Variants in IKBKB observed in about 807,000 individuals in gnomAD.
IKBKB encodes inhibitor of nuclear factor kappa B kinase subunit beta.
A neutral mutation model predicts 113.6 loss-of-function variants in IKBKB; 42 were observed. The ratio of observed to expected loss-of-function variants is 0.37; its 90% CI spans 0.29 to 0.48. The LOEUF is 0.48. Among genes scored for constraint, IKBKB ranks in the 20% least tolerant of loss-of-function variants. The pLI, the probability that IKBKB is intolerant of heterozygous loss-of-function variation, is 0.99. For synonymous variants in IKBKB, 296 were observed against 361.3 expected (o/e 0.82, Z 2.05); for missense variants, 673 against 939.7 (o/e 0.72, Z 3.71).
chr8:42,311,568 AAAAAAAAAAAG>A (rs1322911681), intron 8 of IKBKB, among the ~76,000 whole-genome samples: 29 of 150,674 alleles, frequency 1.9e-4, no homozygotes, highest in African/African-American at 7.4e-5. Context: ...CTTACCAAAA[AAAAAAAAAAAG>A]AAAAAAGAAA....
intron 8 of IKBKB, among the ~76,000 whole-genome samples, chr8:42,312,987 G>A (rs1258479762): frequency 6.6e-6 from 1 of 152,194 alleles, no homozygotes; most frequent in Non-Finnish European, 1.5e-5. Flanking sequence ...CAAATCATTT[G>A]ATCATCATTT....
At chr8:42,272,985 C>T (rs188206811) in intron 2 of IKBKB, among the ~76,000 whole-genome samples, 12 of 151,140 alleles carry the variant, frequency 7.9e-5, no homozygotes, top group African/African-American at 2.9e-4. Flanking sequence ...TGGTGCGTAC[C>T]TGTAGTCCCA....
At chr8:42,280,344 G>T (rs2130143932) in intron 2 of IKBKB, among the ~76,000 whole-genome samples, 1 of 152,288 alleles carries the variant, frequency 6.6e-6, no homozygotes, top group African/African-American at 2.4e-5. Context: ...AAGACCTCCA[G>T]CCCAGGGGTC....
At position 42,331,301 on chromosome 8, in the gene IKBKB, T is replaced by C. The variant is rs1821660962; in HGVS notation, c.*322T>C. ...GCGCACATCGCTGGCCCCACAAACG[T>C]TCAGGGGTACAGCCATGGCAGCTCC... On this transcript the variant is annotated 3_prime_UTR_variant, in exon 22 of 22. Coordinates refer to ENST00000520810, the MANE Select transcript of IKBKB (RefSeq NM_001556.3). 2 of 702,426 alleles carry C rather than the reference T, an allele frequency of 2.8e-6. No homozygotes were observed. Among genetic ancestry groups the C allele is most frequent in the Non-Finnish European group, 5.2e-6 (2 of 385,090 alleles). 43.5% of individuals were successfully genotyped at this position (702,426 alleles called of 1,614,324 possible). A position where few individuals can be genotyped will look rare whatever the true frequency, so the allele number is the denominator to read the frequency against.
At chr8:42,321,766 A>G in intron 16 of IKBKB, 130 bp from the exon 17 acceptor site, 3 of 639,194 alleles carry the variant, frequency 4.7e-6, no homozygotes, top group Non-Finnish European at 8.2e-6. Flanking sequence ...CAAGGCAAGA[A>G]GATTGCTTGT....
At chr8:42,318,902 G>GA in intron 13 of IKBKB, 1 of 542,034 alleles carries the variant, frequency 1.8e-6, no homozygotes, top group Non-Finnish European at 3.2e-6. Flanking sequence ...GTGTGGAACT[G>GA]AAGCTGGGCT....
intron 5 of IKBKB, among the ~76,000 whole-genome samples, chr8:42,303,643 T>A (rs1815893540): frequency 6.6e-6 from 1 of 152,128 alleles, no homozygotes; most frequent in Non-Finnish European, 1.5e-5. Flanking sequence ...TAGCTGGGAT[T>A]ACAGGGGCAT....
Position 42,309,044 on chromosome 8 carries a change from C to A in IKBKB, c.692+19C>A. On this transcript the variant is annotated intron_variant, in intron 8 of 21. Coordinates refer to ENST00000520810, the MANE Select transcript of IKBKB (RefSeq NM_001556.3). ...TGCAGTGGTGAGTGGGCCCGGGGCACCTGGATGGAGGAGGGAGCCTGTCTG... is the reference window on the plus strand; with the variant it reads ...TGCAGTGGTGAGTGGGCCCGGGGCAACTGGATGGAGGAGGGAGCCTGTCTG... 6.2e-7 allele frequency: 1 copy of A among 1,610,290 alleles called. No homozygotes were observed. The highest frequency in any genetic ancestry group is 8.5e-7 in the Non-Finnish European group (1 of 1,178,042).
At chr8:42,290,317 G>A (rs1812345773) in intron 4 of IKBKB, 44 bp downstream of exon 4, 1 of 1,368,358 alleles carries the variant, frequency 7.3e-7, no homozygotes, top group Non-Finnish European at 1.0e-6. Flanking sequence ...GTCTGGGCAG[G>A]TGGGACACCA....
intron 5 of IKBKB, among the ~76,000 whole-genome samples, chr8:42,296,601 A>G (rs931471193): frequency 6.6e-6 from 1 of 152,048 alleles, no homozygotes; most frequent in Non-Finnish European, 1.5e-5. Flanking sequence ...GTGAGCCAAG[A>G]TCGCACCATT....
At chr8:42,272,495 GAT>G (rs1246142329) in intron 2 of IKBKB, 1 of 472,110 alleles carries the variant, frequency 2.1e-6, no homozygotes, top group East Asian at 3.2e-5. Flanking sequence ...AATATATACT[GAT>G]ATTATATGTT....
rs373835648 is a variant in IKBKB at position 42,330,987 on chromosome 8, G to A, written c.*8G>A. ...CTGGAGCAGGCCTCATGATGTGGGG[G>A]GACTCGACCCCCTGACATGGGGCAG... On this transcript the variant is annotated 3_prime_UTR_variant, in exon 22 of 22. Transcript: ENST00000520810. The A allele has an allele frequency of 6.2e-7, 1 of 1,613,626 alleles. No homozygotes were observed. The highest frequency in any genetic ancestry group is 1.3e-5 in the African/African-American group (1 of 74,980).
chr8:42,284,600 C>G (rs1329886065), intron 2 of IKBKB, among the ~76,000 whole-genome samples: 1 of 151,024 alleles, frequency 6.6e-6, no homozygotes, highest in Non-Finnish European at 1.5e-5. Flanking sequence ...AAAAAAAATA[C>G]CGAGGTGATA....
intron 5 of IKBKB, among the ~76,000 whole-genome samples, chr8:42,301,885 A>G (rs1476924951): frequency 6.6e-6 from 1 of 152,090 alleles, no homozygotes; most frequent in East Asian, 1.9e-4. Flanking sequence ...TTGCCCTGAG[A>G]TGTTAGCCTC....
intron 2 of IKBKB, among the ~76,000 whole-genome samples, chr8:42,282,097 G>T (rs1210242643): frequency 6.6e-6 from 1 of 152,166 alleles, no homozygotes; most frequent in Non-Finnish European, 1.5e-5. Flanking sequence ...AAACTCTGAG[G>T]ACCTTCATAA....
chr8:42,303,262 A>G (rs1361626687), intron 5 of IKBKB, among the ~76,000 whole-genome samples: 1 of 152,202 alleles, frequency 6.6e-6, no homozygotes. Flanking sequence ...TTTAAGTTTT[A>G]AACAAGAAAC....
chr8:42,320,906 T>C (rs969961535), intron 16 of IKBKB, 62 bp downstream of exon 16: 1 of 1,104,758 alleles, frequency 9.1e-7, no homozygotes, highest in Non-Finnish European at 1.3e-6. Context: ...GGAGCTTCGG[T>C]GTGTGTGTCA....
rs1050248147 is a variant in IKBKB at position 42,316,923 on chromosome 8, C to G, written c.1125+19C>G. The G allele has an allele frequency of 2.5e-6, 4 of 1,609,854 alleles. No homozygotes were observed. The African/African-American group carries it at 4.0e-5, about 16-fold the overall frequency. ...CGGCAAGGTGAGCCCTGGCTTCGTA[C>G]ACACCATCCTGTTTACCTTGGCTGT... is the stretch of plus-strand genomic sequence containing the variant. On this transcript the variant is annotated intron_variant, in intron 11 of 21. Transcript: ENST00000520810. The surrounding 1 kb of genome is among the most constrained non-coding windows in gnomAD (Gnocchi z 4.5).
chr8:42,293,021 C>A (rs1168219946), intron 4 of IKBKB, among the ~76,000 whole-genome samples: 2 of 152,212 alleles, frequency 1.3e-5, no homozygotes, highest in Non-Finnish European at 2.9e-5. Flanking sequence ...GTTACCATCA[C>A]CCACATGGCT....
Sources: gnomAD v4.1 joint callset for allele counts (sites outside exome capture counted in the v4.1 genomes callset) on GRCh38, gnomAD v4.1.1 for gene constraint, Gnocchi (gnomAD v3.1) non-coding constraint, MANE v1.5 for transcripts, NCBI Gene and HGNC (gene_info 2026-07-23, HGNC 2026-07-21) for gene names.